The following ERCC6L2 variants were observed in gnomAD, a reference collection of about 807,000 sequenced individuals.
ERCC6L2 encodes the protein DNA excision repair protein ERCC-6-like 2.
Under a neutral mutation model 132.0 loss-of-function variants are expected in ERCC6L2, and 77 were observed. That is an observed-to-expected ratio of 0.58 (90% CI 0.49 to 0.71). ERCC6L2 has a LOEUF of 0.71. Among genes scored for constraint, ERCC6L2 ranks in the 30% least tolerant of loss-of-function variants. The probability of loss-of-function intolerance (pLI) is 0.00; values close to 1 mark genes in which losing one functional copy is unlikely to be tolerated. For missense variants in ERCC6L2, 1,542 were observed against 1,837.6 expected, an observed-to-expected ratio of 0.84 and a Z score of 2.94; for synonymous variants, 583 against 632.4, an observed-to-expected ratio of 0.92 and a Z score of 1.17.
intron 18 of ERCC6L2, among the ~76,000 whole-genome samples, chr9:96,009,576 T>C (rs932926558): frequency 6.6e-6 from 1 of 152,246 alleles, no homozygotes; most frequent in African/African-American, 2.4e-5. Flanking sequence ...ATACATATCT[T>C]TGGTTTCTTT....
intron 13 of ERCC6L2, among the ~76,000 whole-genome samples, chr9:95,958,083 T>C (rs1158445232): frequency 7.2e-6 from 1 of 138,484 alleles, no homozygotes; most frequent in African/African-American, 2.7e-5. Flanking sequence ...TGTGTCCATG[T>C]GTTCTCAATG....
Position 95,923,314 on chromosome 9 carries a change from G to A in ERCC6L2, c.1468G>A (p.Val490Met). The stretch of plus-strand genomic sequence containing the variant: ...GGTATTTTCCAGATTCCCAGATTTT[G>A]TGCAGAAAAGCAAAGATGCAGCCTT... Reference protein sequence around the residue: ...DQVFSRFPDFVQKSKDAAFET... With the variant: ...DQVFSRFPDFMQKSKDAAFET... Residue 490 changes from valine to methionine, a missense_variant, in exon 9 of 19, where the codon GTG becomes ATG. Physicochemically the swap from Val to Met is conservative, Grantham distance 21. Coordinates refer to ENST00000653738, the MANE Select transcript of ERCC6L2 (RefSeq NM_020207.7). 6.2e-7 allele frequency: 1 copy of A among 1,613,800 alleles called. No homozygotes were observed. The highest frequency in any genetic ancestry group is 1.1e-5 in the South Asian group (1 of 91,058).
At chr9:95,877,938 T>C (rs961643492) in intron 1 of ERCC6L2, among the ~76,000 whole-genome samples, 1 of 152,202 alleles carries the variant, frequency 6.6e-6, no homozygotes, top group Admixed American at 6.5e-5. Context: ...AATTACTCTC[T>C]ACTGGAAGGA....
chr9:95,968,776 G>A (rs1374544881), intron 14 of ERCC6L2: 2 of 152,118 alleles, frequency 1.3e-5, no homozygotes, highest in African/African-American at 4.8e-5. Context: ...TCTGCTAAAT[G>A]TCAGGTACTG....
At chr9:96,038,945 C>G in exon 20 of ERCC6L2, 1 of 456,268 alleles carries the variant, frequency 2.2e-6, no homozygotes, top group Non-Finnish European at 4.4e-6. Flanking sequence ...GCTCAAGCAG[C>G]CATATGGAGA....
chr9:95,973,065 A>G lies in ERCC6L2; in HGVS notation c.3314A>G (p.Tyr1105Cys), dbSNP rs1832499753. The stretch of plus-strand genomic sequence containing the variant: ...AAAGTTGTTAATCAAGAGCAGTCGT[A>G]TGAATCAATGGATAAATTTTTAGGT... ...NEKVVNQEQSYESMDKFLDGV... is the reference protein window; with the variant it reads ...NEKVVNQEQSCESMDKFLDGV... The change falls in exon 16 of 19, where the codon TAT becomes TGT. Residue 1105 changes from tyrosine (Y) to cysteine (C), a missense_variant. By Grantham distance (194) the Tyr-to-Cys change is radical. Transcript: ENST00000653738. The G allele has an allele frequency of 4.7e-5, 63 of 1,345,238 alleles. No individual in the cohort carries two copies. The highest frequency in any genetic ancestry group is 5.8e-5 in the Non-Finnish European group (59 of 1,013,890). 83.3% of individuals were successfully genotyped at this position (1,345,238 alleles called of 1,614,324 possible).
chr9:95,945,459 T>C (rs1389594482), intron 12 of ERCC6L2, among the ~76,000 whole-genome samples: 4 of 152,180 alleles, frequency 2.6e-5, no homozygotes, highest in African/African-American at 9.7e-5. Context: ...GAGGCAACAC[T>C]CATCCTCCTC....
At chr9:96,039,587 G>T (rs1301494052) in intron 20 of ERCC6L2, among the ~76,000 whole-genome samples, 1 of 152,146 alleles carries the variant, frequency 6.6e-6, no homozygotes. Context: ...ACACCTTCCA[G>T]TGCCTAAGGC....
intron 17 of ERCC6L2, among the ~76,000 whole-genome samples, chr9:95,988,102 T>G (rs539240812): frequency 4.3e-4 from 65 of 152,320 alleles, no homozygotes; most frequent in Admixed American, 1.4e-3. Flanking sequence ...TTCCTGGGCC[T>G]CAGGGCCTGT....
chr9:95,966,818 G>A, intron 14 of ERCC6L2, 104 bp downstream of exon 14: 1 of 1,002,370 alleles, frequency 1.0e-6, no homozygotes, highest in South Asian at 3.9e-5. Context: ...AGAAACTTTT[G>A]GTTTTCTTTA....
At chr9:95,937,129 A>T (rs1830592616) in intron 11 of ERCC6L2, among the ~76,000 whole-genome samples, 1 of 152,144 alleles carries the variant, frequency 6.6e-6, no homozygotes, top group African/African-American at 2.4e-5. Flanking sequence ...TTCCTCTGGG[A>T]TAAATGCTAA....
chr9:95,886,505 G>C (rs546518812), intron 2 of ERCC6L2, among the ~76,000 whole-genome samples: 2 of 152,198 alleles, frequency 1.3e-5, no homozygotes, highest in African/African-American at 2.4e-5. Context: ...TTCTAGAACT[G>C]TTATTTTTTT....
chr9:95,880,792 G>A lies in ERCC6L2; in HGVS notation c.47-77G>A, dbSNP rs1436639875. 2.3e-6 allele frequency: 3 copies of A among 1,331,314 alleles called. No individual in the cohort carries two copies. In the East Asian group the frequency reaches 7.0e-5, roughly 31 times the overall value. The allele number at this position is 1,331,314 out of a possible 1,614,324, so 82.5% of individuals were successfully genotyped here. A position where few individuals can be genotyped will look rare whatever the true frequency, so the allele number is the denominator to read the frequency against. On this transcript the variant is annotated intron_variant, in intron 1 of 18. Transcript: ENST00000653738. The stretch of plus-strand genomic sequence containing the variant: ...AAGGCATTTATGTGAGGTATATATT[G>A]TTTCTCACAGCTGTGAATAAATGAG...
At chr9:96,021,411 C>T (rs1383586387), downstream of ERCC6L2, 2 of 254,592 alleles carry the variant, frequency 7.9e-6, no homozygotes, top group Non-Finnish European at 1.5e-5. This position sits in a 1 kb window ranked among gnomAD's most constrained non-coding sequence, Gnocchi z 4.7. Context: ...AGGGGCGGTC[C>T]TGGGGGCTGC....
intron 17 of ERCC6L2, among the ~76,000 whole-genome samples, chr9:95,983,415 G>A (rs1832966991): frequency 6.6e-6 from 1 of 152,146 alleles, no homozygotes; most frequent in Admixed American, 6.5e-5. Context: ...TCTTTGAACA[G>A]TTTCTCTGTT....
intron 6 of ERCC6L2, chr9:95,918,498 A>G: frequency 2.0e-6 from 1 of 505,050 alleles, no homozygotes; most frequent in Non-Finnish European, 4.0e-6. Context: ...TTTTGGAAGT[A>G]AAGTTACAAC....
rs1313127444 is a variant in ERCC6L2 at position 95,972,706 on chromosome 9, C to T, written c.2955C>T (p.Asp985=). 7.7e-7 allele frequency: 1 copy of T among 1,301,704 alleles called. No homozygotes were observed. The highest frequency in any genetic ancestry group is 2.3e-5 in the Admixed American group (1 of 43,506). The allele number at this position is 1,301,704 out of a possible 1,614,324, so 80.6% of individuals were successfully genotyped here. ...GTGATATCAGTGATGAATCTGATGA[C>T]ATTGAAATTTCTTCCAAGTCAAGAG... The part of the protein sequence containing the change: ...GTSDISDESD[D]IEISSKSRVR... Residue 985 remains aspartate, a synonymous_variant, in exon 16 of 19, where the codon GAC becomes GAT. Transcript: ENST00000653738.
chr9:95,991,080 G>A (rs1457791386), intron 17 of ERCC6L2, among the ~76,000 whole-genome samples: 1 of 151,854 alleles, frequency 6.6e-6, no homozygotes, highest in Admixed American at 6.6e-5. Context: ...TCTGCTTGCC[G>A]CTCAGCTGCT....
In ERCC6L2 at chr9:95,978,192, A is replaced by G. The variant is rs1303837816; in HGVS notation, c.3469A>G (p.Asn1157Asp). The change falls in exon 17 of 19, where the codon AAC becomes GAC. Residue 1157 changes from asparagine to aspartate, a missense_variant. By Grantham distance (23) the Asn-to-Asp change is conservative. This residue lies in a region of ERCC6L2 where 442 missense variants were observed against 583.4 expected (regional missense o/e 0.76). Transcript: ENST00000653738. Reference protein sequence around the residue: ...ELKQFSQLPANIAVCSSKTYK... With the variant: ...ELKQFSQLPADIAVCSSKTYK... The stretch of plus-strand genomic sequence containing the variant: ...GAAGCAGTTTTCTCAGCTGCCTGCT[A>G]ACATAGCTGTTTGCAGTTCTAAGGT... 1.5e-6 allele frequency: 2 copies of G among 1,366,186 alleles called. No individual in the cohort carries two copies. The highest frequency in any genetic ancestry group is 1.9e-5 in the Admixed American group (1 of 52,316). The allele number at this position is 1,366,186 out of a possible 1,614,324, so 84.6% of individuals were successfully genotyped here.
Sources: allele counts gnomAD v4.1 joint callset (sites outside exome capture counted in the v4.1 genomes callset), GRCh38; gene constraint gnomAD v4.1.1; regional missense constraint gnomAD v4.1.1; non-coding constraint Gnocchi (gnomAD v3.1); transcripts MANE v1.5; gene names NCBI Gene and HGNC (gene_info 2026-07-23, HGNC 2026-07-21).